Variants in IL1RAPL2 observed in about 807,000 individuals in gnomAD.
IL1RAPL2 encodes interleukin 1 receptor accessory protein like 2.
Under a neutral mutation model 44.1 loss-of-function variants are expected in IL1RAPL2, and 3 were observed. The observed-to-expected ratio is 0.07, with a 90% confidence interval of 0.03 to 0.18. The LOEUF is 0.18. Among genes scored for constraint, IL1RAPL2 ranks in the 10% least tolerant of loss-of-function variants. The probability of loss-of-function intolerance (pLI) is 1.00; values close to 1 mark genes in which losing one functional copy is unlikely to be tolerated. For missense variants in IL1RAPL2, 391 were observed against 496.4 expected, an observed-to-expected ratio of 0.79 and a Z score of 2.02; for synonymous variants, 181 against 178.8, an observed-to-expected ratio of 1.01 and a Z score of -0.10.
At chrX:105,627,237 ATTATC>A (rs1163671068) in intron 6 of IL1RAPL2, among the ~76,000 whole-genome samples, 15 of 111,515 alleles carry the variant, frequency 1.3e-4, no homozygotes, top group Non-Finnish European at 2.6e-4. Context: ...ATATTTAAAT[ATTATC>A]TTCTAATGAA....
chrX:105,482,897 G>C (rs6652923), intron 5 of IL1RAPL2, among the ~76,000 whole-genome samples: 7 of 110,265 alleles, frequency 6.3e-5, no homozygotes, highest in African/African-American at 2.3e-4. Context: ...CATAAATACA[G>C]AATCAGTTAA....
intron 6 of IL1RAPL2, among the ~76,000 whole-genome samples, chrX:105,639,666 G>A (rs138982661): frequency 2.7e-4 from 30 of 110,878 alleles, no homozygotes; most frequent in Middle Eastern, 4.7e-3. Flanking sequence ...AGAAATAATC[G>A]TCACTCCTCA....
At chrX:105,737,597 G>C (rs945234695) in intron 7 of IL1RAPL2, among the ~76,000 whole-genome samples, 1 of 111,327 alleles carries the variant, frequency 9.0e-6, no homozygotes, top group Non-Finnish European at 1.9e-5. Flanking sequence ...ATTAGAAGAA[G>C]GAAAGGCTTG....
intron 2 of IL1RAPL2, among the ~76,000 whole-genome samples, chrX:104,978,621 G>A (rs1352980526): frequency 3.6e-5 from 4 of 111,248 alleles, no homozygotes; most frequent in Admixed American, 9.6e-5. Flanking sequence ...AAAAAGAAGA[G>A]GCACAATCAT....
chrX:105,429,507 C>CA (rs2035833405), intron 5 of IL1RAPL2, among the ~76,000 whole-genome samples: 1 of 111,974 alleles, frequency 8.9e-6, no homozygotes, highest in Admixed American at 9.5e-5. Context: ...ATACAAAAAA[C>CA]AGTCTCATTC....
chrX:104,664,490 C>T (rs1214005272), intron 2 of IL1RAPL2, among the ~76,000 whole-genome samples: 1 of 111,698 alleles, frequency 9.0e-6, no homozygotes, highest in Non-Finnish European at 1.9e-5. Context: ...GTGGGGCTCA[C>T]ACCATTAGTC....
At chrX:104,624,417 A>C (rs184222937) in intron 1 of IL1RAPL2, among the ~76,000 whole-genome samples, 1 of 111,871 alleles carries the variant, frequency 8.9e-6, no homozygotes, top group Admixed American at 9.5e-5. Context: ...AAAGCTATCT[A>C]CAGAAAAAAG....
At chrX:105,490,365 C>G (rs58230108) in intron 6 of IL1RAPL2, among the ~76,000 whole-genome samples, 10,224 of 111,309 alleles carry the variant, frequency 0.092, 1,157 homozygotes, top group African/African-American at 0.32. Flanking sequence ...ATAAAAGATT[C>G]TTTTTCTTTT....
At chrX:105,679,457 C>G (rs1327557888) in intron 6 of IL1RAPL2, among the ~76,000 whole-genome samples, 1 of 111,914 alleles carries the variant, frequency 8.9e-6, no homozygotes, top group Non-Finnish European at 1.9e-5. Context: ...GATATTATAA[C>G]TGGTTCAAAA....
At chrX:104,945,797 C>A (rs1320070351) in intron 2 of IL1RAPL2, among the ~76,000 whole-genome samples, 2 of 111,877 alleles carry the variant, frequency 1.8e-5, no homozygotes, top group Admixed American at 9.5e-5. Flanking sequence ...ATTAACACAT[C>A]TTTCTTTGAT....
chrX:105,077,062 A>G (rs988976190), intron 2 of IL1RAPL2, among the ~76,000 whole-genome samples: 20 of 110,967 alleles, frequency 1.8e-4, no homozygotes, highest in African/African-American at 6.3e-4. Context: ...TAATATTGTT[A>G]TGTGTGAATT....
intron 2 of IL1RAPL2, among the ~76,000 whole-genome samples, chrX:105,186,807 G>C (rs1556134171): frequency 8.9e-6 from 1 of 111,910 alleles, no homozygotes. Context: ...CTAATTACCA[G>C]AGAAATCCAA....
At chrX:104,640,095 C>T (rs1929903615) in intron 1 of IL1RAPL2, among the ~76,000 whole-genome samples, 2 of 110,759 alleles carry the variant, frequency 1.8e-5, no homozygotes, top group African/African-American at 3.3e-5. Context: ...TTTTTTTTCA[C>T]CTTTTGGGAA....
chrX:105,416,137 T>C (rs2035731535), intron 5 of IL1RAPL2, among the ~76,000 whole-genome samples: 1 of 112,073 alleles, frequency 8.9e-6, no homozygotes, highest in Non-Finnish European at 1.9e-5. Context: ...GGTATAGATA[T>C]AGATAAAATC....
At chrX:104,886,360 C>CA (rs138514887) in intron 2 of IL1RAPL2, among the ~76,000 whole-genome samples, 46,756 of 110,108 alleles carry the variant, frequency 0.42, 7,288 homozygotes, top group East Asian at 0.46. Flanking sequence ...TTTGGAAGGG[C>CA]AAAAAATGCC....
At chrX:105,361,125 A>G (rs1349233861) in intron 5 of IL1RAPL2, among the ~76,000 whole-genome samples, 1 of 111,435 alleles carries the variant, frequency 9.0e-6, no homozygotes, top group Non-Finnish European at 1.9e-5. Context: ...AGGAGGCAGG[A>G]GGGTGGTTGC....
intron 1 of IL1RAPL2, among the ~76,000 whole-genome samples, chrX:104,576,895 C>G (rs1188668249): frequency 2.7e-5 from 3 of 111,816 alleles, no homozygotes; most frequent in Non-Finnish European, 5.6e-5. Context: ...AGTACATGGT[C>G]TAAAACCTCA....
At position 104,813,900 on chromosome X, in the gene IL1RAPL2, A is replaced by G. The variant is rs1569319412; in HGVS notation, c.82+154905A>G. ...TTAGTTCTTACAGCTCTTTTCAACT[A>G]TGAGCTTTGACAAAGAGTCTGTAAT... is the stretch of plus-strand genomic sequence containing the variant. On this transcript the variant is annotated intron_variant, in intron 2 of 10. Transcript: ENST00000372582. 3.6e-5 allele frequency among the ~76,000 whole-genome samples: 4 copies of G among 111,994 alleles called. No individual in the cohort carries two copies. The South Asian group carries it at 1.1e-3, about 31-fold the overall frequency.
At chrX:105,622,088 G>A (rs765222632) in intron 6 of IL1RAPL2, among the ~76,000 whole-genome samples, 1 of 109,837 alleles carries the variant, frequency 9.1e-6, no homozygotes, top group South Asian at 3.9e-4. Flanking sequence ...GCTCCAGATT[G>A]GAAGATGCCA....
Sources: gnomAD v4.1 joint callset for allele counts (sites outside exome capture counted in the v4.1 genomes callset) on GRCh38, gnomAD v4.1.1 for gene constraint, MANE v1.5 for transcripts, NCBI Gene and HGNC (gene_info 2026-07-23, HGNC 2026-07-21) for gene names.